Variants in NPHS2 observed in about 807,000 individuals in gnomAD.
NPHS2 encodes the protein NPHS2 stomatin family member, podocin, also known as podocin.
A neutral mutation model predicts 37.1 loss-of-function variants in NPHS2; 36 were observed. That is an observed-to-expected ratio of 0.97 (90% confidence interval 0.74 to 1.28). NPHS2 has a LOEUF of 1.28. Ranked by LOEUF, NPHS2 falls within the 50% of genes most tolerant of loss-of-function variation. NPHS2 has a pLI of 0.00. For synonymous variants in NPHS2, 196 were observed against 189.3 expected, an observed-to-expected ratio of 1.04 and a Z score of -0.29; for missense variants, 447 against 488.1, an observed-to-expected ratio of 0.92 and a Z score of 0.79.
chr1:179,561,809 G>A (rs1357315628), intron 2 of NPHS2, among the ~76,000 whole-genome samples: 1 of 151,840 alleles, frequency 6.6e-6, no homozygotes, highest in Non-Finnish European at 1.5e-5. Context: ...GATTCAATTG[G>A]ATTTTTTTTT....
chr1:179,553,477 T>G (rs1297109735), intron 6 of NPHS2, among the ~76,000 whole-genome samples: 1 of 152,170 alleles, frequency 6.6e-6, no homozygotes, highest in African/African-American at 2.4e-5. Context: ...TTGAAAACAT[T>G]ATGCTAAGTG....
At chr1:179,564,840 T>C (rs574043805) in intron 1 of NPHS2, 47 bp from the exon 2 acceptor site, 1 of 1,440,420 alleles carries the variant, frequency 6.9e-7, no homozygotes, top group African/African-American at 1.4e-5. Context: ...AACTTCACTG[T>C]ATTCACTGAC....
chr1:179,567,074 TTAAAG>T (rs1674363290), intron 1 of NPHS2, among the ~76,000 whole-genome samples: 1 of 152,204 alleles, frequency 6.6e-6, no homozygotes, highest in Non-Finnish European at 1.5e-5. Flanking sequence ...CATATGAACT[TTAAAG>T]TAGTTTTTTC....
At chr1:179,558,151 G>A (rs73051836) in intron 4 of NPHS2, among the ~76,000 whole-genome samples, 7,728 of 151,918 alleles carry the variant, frequency 0.051, 633 homozygotes, top group African/African-American at 0.18. Flanking sequence ...TCATAATATT[G>A]TGCAACTATC....
At chr1:179,552,485 G>GC in intron 7 of NPHS2, 118 bp downstream of exon 7, 1 of 782,418 alleles carries the variant, frequency 1.3e-6, no homozygotes, top group Non-Finnish European at 2.2e-6. Context: ...AGTTGTAAGG[G>GC]CCCAAGACAG....
rs1405203348 is a variant in NPHS2 at position 179,551,355 on chromosome 1, G to T, written c.970C>A (p.Leu324Ile). 3.1e-6 allele frequency: 5 copies of T among 1,614,012 alleles called. No homozygotes were observed. In the South Asian group the frequency reaches 5.5e-5, roughly 18 times the overall value. ...GTPAAVQLRYLHTLQSLSTEK... is the reference protein window; with the variant it reads ...GTPAAVQLRYIHTLQSLSTEK... ...GTGGACAGAGACTGAAGGGTGTGGA[G>T]GTATCGAAGCTGAACGGCAGCAGGG... Residue 324 changes from leucine (L) to isoleucine (I), a missense_variant, in exon 8 of 8, where the codon CTC (leucine) becomes ATC (isoleucine). Coordinates refer to ENST00000367615, the MANE Select transcript of NPHS2 (RefSeq NM_014625.4).
In NPHS2 at chr1:179,561,350, C is replaced by T. The variant is rs142188956; in HGVS notation, c.390G>A (p.Glu130=). 2.2e-5 allele frequency: 35 copies of T among 1,610,578 alleles called. No individual in the cohort carries two copies. Among genetic ancestry groups the T allele is most frequent in the Middle Eastern group, 1.6e-4 (1 of 6,072 alleles). Residue 130 remains glutamate (E), a synonymous_variant, in exon 3 of 8, where the codon GAG becomes GAA. Transcript: ENST00000367615. ...SIWFCVKVVQ[E]YERVIIFRLG... is the part of the protein sequence containing the mutation. ...GTCGGAATATAATTACTCTTTCATA[C>T]TCTTGTACAACCTAAAGAGAAATTT...
intron 1 of NPHS2, among the ~76,000 whole-genome samples, chr1:179,574,948 TTG>T (rs2101886111): frequency 6.6e-6 from 1 of 152,338 alleles, no homozygotes; most frequent in South Asian, 2.1e-4. Context: ...GTTCCAGACT[TTG>T]TGCAAAGTGC....
At chr1:179,567,796 A>T (rs1335189503) in intron 1 of NPHS2, among the ~76,000 whole-genome samples, 1 of 152,190 alleles carries the variant, frequency 6.6e-6, no homozygotes, top group Non-Finnish European at 1.5e-5. Flanking sequence ...ATTTTGTCAA[A>T]GGCCTTTTCT....
Position 179,561,350 on chromosome 1 carries a change from C to G in NPHS2, c.390G>C (p.Glu130Asp), listed in dbSNP as rs142188956. 4 of 1,610,694 alleles carry G rather than the reference C, an allele frequency of 2.5e-6. No individual in the cohort carries two copies. Among genetic ancestry groups the G allele is most frequent in the Non-Finnish European group, 3.4e-6 (4 of 1,177,008 alleles). ...GTCGGAATATAATTACTCTTTCATA[C>G]TCTTGTACAACCTAAAGAGAAATTT... ...SIWFCVKVVQEYERVIIFRLG... is the reference protein window; with the variant it reads ...SIWFCVKVVQDYERVIIFRLG... The change falls in exon 3 of 8, where the codon GAG becomes GAC. Residue 130 changes from glutamate (E) to aspartate (D), a missense_variant. Glu to Asp is a conservative substitution (Grantham distance 45). Coordinates refer to ENST00000367615, the MANE Select transcript of NPHS2 (RefSeq NM_014625.4).
intron 6 of NPHS2, 166 bp from the exon 7 acceptor site, chr1:179,552,847 C>A (rs1673518271): frequency 3.0e-6 from 2 of 674,866 alleles, no homozygotes; most frequent in Non-Finnish European, 5.4e-6. Flanking sequence ...GTAGGCAGAT[C>A]TCCAAGGTCG....
Position 179,550,755 on chromosome 1 carries a change from G to A in NPHS2, c.*418C>T, listed in dbSNP as rs571482501. On this transcript the variant is annotated 3_prime_UTR_variant, in exon 8 of 8. Transcript: ENST00000367615. Reference sequence around the variant, plus strand: ...AGAAGACTGCATCTTTGGGACAGAAGAGCAATAGAGTGTGACAAGCCCAAT... The same window carrying A: ...AGAAGACTGCATCTTTGGGACAGAAAAGCAATAGAGTGTGACAAGCCCAAT... 4.0e-6 allele frequency: 1 copy of A among 252,400 alleles called. No individual in the cohort carries two copies. Among genetic ancestry groups the A allele is most frequent in the African/African-American group, 2.2e-5 (1 of 45,130 alleles). 15.6% of individuals were successfully genotyped at this position (252,400 alleles called of 1,614,324 possible).
At position 179,551,381 on chromosome 1, in the gene NPHS2, G is replaced by T; in HGVS notation, c.944C>A (p.Thr315Asn). Residue 315 changes from threonine (T) to asparagine (N), a missense_variant, in exon 8 of 8, where the codon ACC (threonine) becomes AAC (asparagine). By Grantham distance (65) the Thr-to-Asn change is moderately conservative. Transcript: ENST00000367615. ...LRMAAEILSG[T>N]PAAVQLRYLH... ...GTATCGAAGCTGAACGGCAGCAGGG[G>T]TGCCTGACAGAATCTCAGCTGCCAT... 6.2e-7 allele frequency: 1 copy of T among 1,614,084 alleles called. No individual in the cohort carries two copies. The highest frequency in any genetic ancestry group is 8.5e-7 in the Non-Finnish European group (1 of 1,179,990).
intron 2 of NPHS2, 58 bp downstream of exon 2, chr1:179,564,632 T>C (rs1200158593): frequency 2.2e-6 from 3 of 1,343,492 alleles, no homozygotes; most frequent in East Asian, 2.3e-5. Flanking sequence ...AGAATGGGCA[T>C]GGTGTGGCCA....
chr1:179,575,328 C>T (rs1674715089), intron 1 of NPHS2, among the ~76,000 whole-genome samples: 1 of 152,186 alleles, frequency 6.6e-6, no homozygotes, highest in Non-Finnish European at 1.5e-5. Context: ...TCGTCCCCAA[C>T]CTGTACCACA....
chr1:179,574,960 CT>C (rs1674698847), intron 1 of NPHS2, among the ~76,000 whole-genome samples: 1 of 152,168 alleles, frequency 6.6e-6, no homozygotes, highest in Non-Finnish European at 1.5e-5. Context: ...GTGCAAAGTG[CT>C]TTGGATGCCT....
Position 179,575,603 on chromosome 1 carries a change from G to C in NPHS2, c.262C>G (p.Arg88Gly). ...GCTGAATCCGTACCTTCCTCGGGCC[G>C]CTCGCTCTCCAACAGCGCCACCACC... is the stretch of plus-strand genomic sequence containing the variant. ...TEVVALLESE[R>G]PEEGTKSSGL... The change falls in exon 1 of 8, where the codon CGG becomes GGG. Residue 88 changes from arginine (R) to glycine (G), a missense_variant. By Grantham distance (125) the Arg-to-Gly change is moderately radical. Coordinates refer to ENST00000367615, the MANE Select transcript of NPHS2 (RefSeq NM_014625.4). The C allele has an allele frequency of 3.7e-6, 6 of 1,601,926 alleles. No homozygotes were observed. Among genetic ancestry groups the C allele is most frequent in the Non-Finnish European group, 4.2e-6 (5 of 1,179,844 alleles).
Position 179,550,775 on chromosome 1 carries a change from C to T in NPHS2, c.*398G>A, listed in dbSNP as rs1673139325. 3.5e-6 allele frequency: 1 copy of T among 288,162 alleles called. No individual in the cohort carries two copies. The highest frequency in any genetic ancestry group is 3.9e-5 in the South Asian group (1 of 25,812). 17.9% of individuals were successfully genotyped at this position (288,162 alleles called of 1,614,324 possible). The stretch of plus-strand genomic sequence containing the variant: ...CAGAAGAGCAATAGAGTGTGACAAG[C>T]CCAATGATAGGTGCTTGTAGGAAGG... On this transcript the variant is annotated 3_prime_UTR_variant, in exon 8 of 8. Coordinates refer to ENST00000367615, the MANE Select transcript of NPHS2 (RefSeq NM_014625.4).
Position 179,550,723 on chromosome 1 carries a change from A to G in NPHS2, c.*450T>C, listed in dbSNP as rs2125760975. ...AGGAAAACTAAGACTTGGTAGTATC[A>G]TTGGAGAGAAGACTGCATCTTTGGG... On this transcript the variant is annotated 3_prime_UTR_variant, in exon 8 of 8. Coordinates refer to ENST00000367615, the MANE Select transcript of NPHS2 (RefSeq NM_014625.4). 1 of 212,040 alleles carries G rather than the reference A, an allele frequency of 4.7e-6. No homozygotes were observed. The highest frequency in any genetic ancestry group is 9.6e-6 in the Non-Finnish European group (1 of 104,380). 13.1% of individuals were successfully genotyped at this position (212,040 alleles called of 1,614,324 possible).
Sources: gnomAD v4.1 joint callset for allele counts (sites outside exome capture counted in the v4.1 genomes callset) on GRCh38, gnomAD v4.1.1 for gene constraint, MANE v1.5 for transcripts, NCBI Gene and HGNC (gene_info 2026-07-23, HGNC 2026-07-21) for gene names.